Variants in OXR1 observed in about 807,000 individuals in gnomAD.
OXR1 encodes the protein oxidation resistance protein 1.
In OXR1, 41 loss-of-function variants were observed where a neutral mutation model predicts 104.6. The ratio of observed to expected loss-of-function variants is 0.39; its 90% CI spans 0.31 to 0.51. The LOEUF is 0.51. Ranked by LOEUF, OXR1 falls within the 20% of genes least tolerant of loss-of-function variation. OXR1 has a pLI of 0.77. For missense variants in OXR1, 955 were observed against 1,031.9 expected (o/e 0.93, Z 1.02); for synonymous variants, 348 against 348.4 (o/e 1.00, Z 0.01).
chr8:106,361,239 C>A, intron 2 of OXR1, among the ~76,000 whole-genome samples: 1 of 152,280 alleles, frequency 6.6e-6, no homozygotes, highest in Non-Finnish European at 1.5e-5. Flanking sequence ...TAAATGTTAT[C>A]CTTCTAAAAG....
In OXR1 at chr8:106,317,806, A is replaced by AC. The variant is rs1554622292; in HGVS notation, c.-138-41669dup. 3.1e-3 allele frequency among the ~76,000 whole-genome samples: 476 copies of AC among 151,932 alleles called. 1 individual carries two copies. The highest frequency in any genetic ancestry group is 0.011 in the African/African-American group (464 of 41,402). On this transcript the variant is annotated intron_variant, in intron 1 of 16. Transcript: ENST00000517566. ...TCTAACTAAATTCCAAAAAAAAAAAACAAAAAGGAGTGGGAGAGTTTGTAT... is the reference window on the plus strand; with the variant it reads ...TCTAACTAAATTCCAAAAAAAAAAAACCAAAAAGGAGTGGGAGAGTTTGTAT...
intron 14 of OXR1, among the ~76,000 whole-genome samples, chr8:106,741,101 G>A (rs1587307946): frequency 6.6e-6 from 1 of 152,062 alleles, no homozygotes; most frequent in South Asian, 2.1e-4. Context: ...GATTGATACT[G>A]TTATCTTTAT....
At chr8:106,640,259 T>G (rs1450417591) in intron 3 of OXR1, among the ~76,000 whole-genome samples, 1 of 151,838 alleles carries the variant, frequency 6.6e-6, no homozygotes, top group Non-Finnish European at 1.5e-5. Flanking sequence ...TGCAAATATA[T>G]ATATATGTTT....
chr8:106,292,600 A>T (rs185486305), intron 1 of OXR1, among the ~76,000 whole-genome samples: 1 of 152,328 alleles, frequency 6.6e-6, no homozygotes, highest in East Asian at 1.9e-4. Context: ...CTCTGCAGAT[A>T]AAGAGGGACT....
intron 3 of OXR1, among the ~76,000 whole-genome samples, chr8:106,601,875 C>CA (rs1374963928): frequency 6.6e-6 from 1 of 152,148 alleles, no homozygotes; most frequent in African/African-American, 2.4e-5. Flanking sequence ...CTGACCTAGT[C>CA]AAGGGAGCCC....
intron 2 of OXR1, among the ~76,000 whole-genome samples, chr8:106,361,833 T>C (rs1484021665): frequency 6.6e-6 from 1 of 152,144 alleles, no homozygotes; most frequent in Non-Finnish European, 1.5e-5. Flanking sequence ...GGTTGAAAGA[T>C]TACTAATTTA....
intron 2 of OXR1, among the ~76,000 whole-genome samples, chr8:106,505,810 C>G (rs1048274148): frequency 3.3e-5 from 5 of 152,178 alleles, no homozygotes; most frequent in Admixed American, 2.0e-4. Context: ...GCACTATGGA[C>G]CATTGAAAGA....
At chr8:106,481,145 G>C (rs770265975) in intron 2 of OXR1, among the ~76,000 whole-genome samples, 8 of 151,894 alleles carry the variant, frequency 5.3e-5, no homozygotes, top group Non-Finnish European at 1.0e-4. Flanking sequence ...TCATAAGACA[G>C]GCAAGTGCTT....
rs762230852 is a variant in OXR1 at position 106,740,381 on chromosome 8, A to G, written c.2202A>G (p.Pro734=). Residue 734 remains proline, a synonymous_variant, in exon 14 of 17, where the codon CCA becomes CCG. Transcript: ENST00000517566. ...TTCCACCAAGAACAATTGGCTATCCATGGACTCTTGTTTATGGTACTGGAA... is the reference window on the plus strand; with the variant it reads ...TTCCACCAAGAACAATTGGCTATCCGTGGACTCTTGTTTATGGTACTGGAA... ...KHLPPRTIGY[P]WTLVYGTGKH... is the part of the protein sequence containing the mutation. 1.8e-5 allele frequency: 29 copies of G among 1,613,174 alleles called. No individual in the cohort carries two copies. The highest frequency in any genetic ancestry group is 2.4e-5 in the Non-Finnish European group (28 of 1,179,418).
chr8:106,309,852 G>A (rs956808054), intron 1 of OXR1, among the ~76,000 whole-genome samples: 1 of 151,152 alleles, frequency 6.6e-6, no homozygotes, highest in Non-Finnish European at 1.5e-5. Context: ...GAGCTTGAGG[G>A]TTTGTAATTT....
chr8:106,612,292 A>G (rs1160799820), intron 3 of OXR1, among the ~76,000 whole-genome samples: 1 of 152,198 alleles, frequency 6.6e-6, no homozygotes. Flanking sequence ...AATAGTATAT[A>G]TAAGGCATAT....
chr8:106,647,732 G>A (rs1417280304), intron 3 of OXR1, among the ~76,000 whole-genome samples: 1 of 152,184 alleles, frequency 6.6e-6, no homozygotes, highest in Non-Finnish European at 1.5e-5. Flanking sequence ...GGCCTCAAGC[G>A]ATCCTCTGGC....
chr8:106,539,483 C>G (rs748338173), intron 3 of OXR1, among the ~76,000 whole-genome samples: 3 of 151,982 alleles, frequency 2.0e-5, no homozygotes, highest in East Asian at 3.8e-4. Flanking sequence ...AAATTATGAA[C>G]TGATAAAATT....
At chr8:106,454,671 G>T (rs111487960) in intron 2 of OXR1, among the ~76,000 whole-genome samples, 4,465 of 152,046 alleles carry the variant, frequency 0.029, 131 homozygotes, top group Non-Finnish European at 0.04. Context: ...CAGAATTGAT[G>T]ATATTAATTG....
At chr8:106,580,686 T>A (rs963638429) in intron 3 of OXR1, among the ~76,000 whole-genome samples, 1 of 152,222 alleles carries the variant, frequency 6.6e-6, no homozygotes, top group Non-Finnish European at 1.5e-5. Flanking sequence ...TTTTACATCC[T>A]ACCAATAGTA....
intron 3 of OXR1, among the ~76,000 whole-genome samples, chr8:106,585,804 T>C (rs1283085041): frequency 2.0e-5 from 3 of 152,140 alleles, no homozygotes; most frequent in Non-Finnish European, 2.9e-5. Flanking sequence ...TGTAGATACA[T>C]TGGGAAATGG....
chr8:106,569,746 A>T (rs922836697), intron 3 of OXR1, among the ~76,000 whole-genome samples: 17 of 152,332 alleles, frequency 1.1e-4, no homozygotes, highest in African/African-American at 4.1e-4. Context: ...CGTCAGTATC[A>T]CTTTCAGTAA....
chr8:106,326,318 A>AT (rs1367619448), intron 1 of OXR1, among the ~76,000 whole-genome samples: 1 of 152,150 alleles, frequency 6.6e-6, no homozygotes, highest in Non-Finnish European at 1.5e-5. Context: ...GGTTAGGTAA[A>AT]TTTTCTCGTG....
At chr8:106,412,431 C>G (rs1818494256) in intron 2 of OXR1, among the ~76,000 whole-genome samples, 1 of 152,124 alleles carries the variant, frequency 6.6e-6, no homozygotes, top group African/African-American at 2.4e-5. Flanking sequence ...AATTTCTGGA[C>G]TTCTTTAAAA....
Sources: allele counts gnomAD v4.1 joint callset (sites outside exome capture counted in the v4.1 genomes callset), GRCh38; gene constraint gnomAD v4.1.1; transcripts MANE v1.5; gene names NCBI Gene and HGNC (gene_info 2026-07-23, HGNC 2026-07-21).